TMEM134: variants seen among roughly 807,000 people sequenced by gnomAD.
TMEM134 encodes transmembrane protein 134.
Under a neutral mutation model 26.2 loss-of-function variants are expected in TMEM134, and 36 were observed. That is an observed-to-expected ratio of 1.37 (90% CI 1.05 to 1.81). TMEM134 has a LOEUF of 1.81. Ranked by LOEUF, TMEM134 falls within the 40% of genes most tolerant of loss-of-function variation. The probability of loss-of-function intolerance (pLI) is 0.00; values close to 1 mark genes in which losing one functional copy is unlikely to be tolerated. For synonymous variants in TMEM134, 133 were observed against 113.6 expected, an observed-to-expected ratio of 1.17 and a Z score of -1.08; for missense variants, 339 against 263.5, an observed-to-expected ratio of 1.29 and a Z score of -1.98.
At position 67,467,500 on chromosome 11, in the gene TMEM134, C is replaced by T. The variant is rs761775222; in HGVS notation, c.329+1G>A. 1 of 1,613,918 alleles carries T rather than the reference C, an allele frequency of 6.2e-7. No homozygotes were observed. Among genetic ancestry groups the T allele is most frequent in the East Asian group, 2.2e-5 (1 of 44,884 alleles). On this transcript the variant is annotated splice_donor_variant, in intron 3 of 6. Transcript: ENST00000308022. LOFTEE classifies it high-confidence loss of function. Reference sequence around the variant, plus strand: ...CTGGGGGCTTAGGCGGGCAGGCTCACCTGCAGCAGGTGTTGTAGGAGCGCT... The same window carrying T: ...CTGGGGGCTTAGGCGGGCAGGCTCATCTGCAGCAGGTGTTGTAGGAGCGCT...
At chr11:67,467,740 T>C in intron 2 of TMEM134, 150 bp from the exon 3 acceptor site, 1 of 755,334 alleles carries the variant, frequency 1.3e-6, no homozygotes, top group Admixed American at 2.2e-5. Flanking sequence ...TGGGTGAGCA[T>C]GAATTCAGGG....
chr11:67,467,525 T>A lies in TMEM134; in HGVS notation c.305A>T (p.Gln102Leu), dbSNP rs752861265. 1 of 1,614,004 alleles carries A rather than the reference T, an allele frequency of 6.2e-7. No individual in the cohort carries two copies. The highest frequency in any genetic ancestry group is 1.1e-5 in the South Asian group (1 of 91,076). The change falls in exon 3 of 7, where the codon CAG becomes CTG. Residue 102 changes from glutamine to leucine, a missense_variant. Transcript: ENST00000308022. ...WSFSTISSST[Q>L]RSYNTCCSWT... ...CCTGCAGCAGGTGTTGTAGGAGCGC[T>A]GGGTGCTGCTGCTGATGGTGCTGAA...
At chr11:67,467,981 AGGAGCT>A in intron 2 of TMEM134, 41 bp downstream of exon 2, 1 of 1,527,874 alleles carries the variant, frequency 6.5e-7, no homozygotes, top group Non-Finnish European at 8.9e-7. Flanking sequence ...CCCTGGGGAT[AGGAGCT>A]GGGGCTGGGG....
chr11:67,465,304 C>T (rs1446077792), intron 4 of TMEM134: 1 of 1,382,062 alleles, frequency 7.2e-7, no homozygotes, highest in Non-Finnish European at 9.4e-7. Flanking sequence ...TTTCTTTGTT[C>T]CTTGGGGTGG....
At chr11:67,465,923 A>T (rs2134227693) in intron 4 of TMEM134, 1 of 152,292 alleles carries the variant, frequency 6.6e-6, no homozygotes, top group Admixed American at 6.5e-5. Flanking sequence ...TTTTAAAAAA[A>T]AAAAAATTAG....
chr11:67,462,932 A>T lies in TMEM134; in HGVS notation c.*1682T>A, dbSNP rs1387900885. The T allele has an allele frequency of 6.6e-6, 1 of 151,804 alleles. No individual in the cohort carries two copies. The highest frequency in any genetic ancestry group is 2.4e-5 in the African/African-American group (1 of 41,302). The allele number at this position is 151,804 out of a possible 1,614,324, so 9.4% of individuals were successfully genotyped here. A position where few individuals can be genotyped will look rare whatever the true frequency, so the allele number is the denominator to read the frequency against. ...GGTCTCGAACTCCTGGGCTCAAGTG[A>T]TCCTCCCACCGTGGCCTCTCAAAGT... is the stretch of plus-strand genomic sequence containing the variant. On this transcript the variant is annotated 3_prime_UTR_variant, in exon 7 of 7. Transcript: ENST00000308022.
Position 67,462,179 on chromosome 11 carries a change from A to AAC in TMEM134, c.*2434_*2435insGT, listed in dbSNP as rs1554999211. 2 of 53,692 alleles carry AAC rather than the reference A, an allele frequency of 3.7e-5. No homozygotes were observed. The highest frequency in any genetic ancestry group is 1.3e-4 in the African/African-American group (2 of 15,444). 3.3% of individuals were successfully genotyped at this position (53,692 alleles called of 1,614,324 possible). The stretch of plus-strand genomic sequence containing the variant: ...TGAGACTCGTCTCAAAAAAAAAACA[A>AAC]AAAAAAAAAAAACAAGGAGTAAAAA... On this transcript the variant is annotated 3_prime_UTR_variant, in exon 7 of 7. Transcript: ENST00000308022.
chr11:67,465,173 G>A, intron 4 of TMEM134, 73 bp from the exon 5 acceptor site: 1 of 1,535,038 alleles, frequency 6.5e-7, no homozygotes. Context: ...CCCCAGCCCG[G>A]CTCACCCACC....
At chr11:67,468,978 T>G (rs1191141241) in intron 1 of TMEM134, 41 bp downstream of exon 1, 1 of 1,431,486 alleles carries the variant, frequency 7.0e-7, no homozygotes, top group Non-Finnish European at 9.2e-7. Context: ...TGGGGTCCCG[T>G]CCGGCCGGGG....
chr11:67,464,546 G>T lies in TMEM134; in HGVS notation c.*68C>A. The stretch of plus-strand genomic sequence containing the variant: ...GGTCCTGGAGGGCCTCTTCCCTTGA[G>T]ATGAGGGGAACGGAACAGGGCAAGA... On this transcript the variant is annotated 3_prime_UTR_variant, in exon 7 of 7. Transcript: ENST00000308022. The T allele has an allele frequency of 6.7e-7, 1 of 1,490,344 alleles. No homozygotes were observed. The highest frequency in any genetic ancestry group is 9.2e-7 in the Non-Finnish European group (1 of 1,091,868). 92.3% of individuals were successfully genotyped at this position (1,490,344 alleles called of 1,614,324 possible). A position where few individuals can be genotyped will look rare whatever the true frequency, so the allele number is the denominator to read the frequency against.
At chr11:67,465,204 A>T in intron 4 of TMEM134, 104 bp from the exon 5 acceptor site, 1 of 1,532,706 alleles carries the variant, frequency 6.5e-7, no homozygotes, top group Non-Finnish European at 8.7e-7. Flanking sequence ...AAGGTGCCCT[A>T]GGCAGAGACC....
intron 2 of TMEM134, 142 bp downstream of exon 2, chr11:67,467,886 T>C (rs1659891554): frequency 2.5e-6 from 2 of 813,970 alleles, no homozygotes; most frequent in South Asian, 3.3e-5. Flanking sequence ...TAGGAGACCC[T>C]GTGAGGAAAG....
chr11:67,464,311 G>C lies in TMEM134; in HGVS notation c.*303C>G, dbSNP rs529610690. 15 of 476,006 alleles carry C rather than the reference G, an allele frequency of 3.2e-5. No individual in the cohort carries two copies. Among genetic ancestry groups the C allele is most frequent in the African/African-American group, 3.0e-4 (15 of 50,012 alleles). The allele number at this position is 476,006 out of a possible 1,614,324, so 29.5% of individuals were successfully genotyped here. On this transcript the variant is annotated 3_prime_UTR_variant, in exon 7 of 7. Transcript: ENST00000308022. ...GGAGGGGGGCTGTGGTCAGGCTGGT[G>C]GGCTGGGCTAGCAGTGGCAGGACAG...
intron 2 of TMEM134, 99 bp downstream of exon 2, chr11:67,467,929 T>C: frequency 8.9e-7 from 1 of 1,125,944 alleles, no homozygotes. Flanking sequence ...TAGGACGGGA[T>C]GGAAGAGAGT....
intron 4 of TMEM134, 98 bp downstream of exon 4, chr11:67,467,214 T>A (rs887501819): frequency 3.4e-6 from 4 of 1,169,400 alleles, no homozygotes; most frequent in Non-Finnish European, 5.0e-6. Flanking sequence ...CTCAGGATGC[T>A]GGGAGGCTCA....
In TMEM134 at chr11:67,464,690, T is replaced by A. The variant is rs1338793709; in HGVS notation, c.512A>T (p.His171Leu). 1 of 1,552,926 alleles carries A rather than the reference T, an allele frequency of 6.4e-7. No individual in the cohort carries two copies. The highest frequency in any genetic ancestry group is 1.4e-5 in the African/African-American group (1 of 73,212). The change falls in exon 7 of 7, where the codon CAC becomes CTC. Residue 171 changes from histidine (H) to leucine (L), a missense_variant. His to Leu is a moderately conservative substitution (Grantham distance 99). Coordinates refer to ENST00000308022, the MANE Select transcript of TMEM134 (RefSeq NM_025124.4). ...GACCGCGCAGTAGATGAAGATCACG[T>A]GATAGACTGCGGGGCGGGGCCTGTC... ...GFLLLVPGVY[H>L]VIFIYCAVKG... is the part of the protein sequence containing the mutation.
Position 67,465,036 on chromosome 11 carries a change from G to A in TMEM134, c.451+20C>T, listed in dbSNP as rs1865162926. 1.3e-6 allele frequency: 2 copies of A among 1,559,114 alleles called. No individual in the cohort carries two copies. Among genetic ancestry groups the A allele is most frequent in the Admixed American group, 1.8e-5 (1 of 54,822 alleles). The stretch of plus-strand genomic sequence containing the variant: ...AAGACAGGGGTGTCCTCTGCCTGTG[G>A]GGGCGGGAGGGTCGCTCACCTGGAG... On this transcript the variant is annotated intron_variant, in intron 5 of 6. Coordinates refer to ENST00000308022, the MANE Select transcript of TMEM134 (RefSeq NM_025124.4).
rs1412511032 is a variant in TMEM134 at position 67,467,561 on chromosome 11, G to T, written c.269C>A (p.Ser90Tyr). 1 of 1,614,124 alleles carries T rather than the reference G, an allele frequency of 6.2e-7. No individual in the cohort carries two copies. Among genetic ancestry groups the T allele is most frequent in the South Asian group, 1.1e-5 (1 of 91,082 alleles). Residue 90 changes from serine (S) to tyrosine (Y), a missense_variant, in exon 3 of 7, where the codon TCC becomes TAC. Physicochemically the swap from Ser to Tyr is moderately radical, Grantham distance 144 (BLOSUM62 -2). Transcript: ENST00000308022. ...RDSSRTSIRSSQWSFSTISSS... is the reference protein window; with the variant it reads ...RDSSRTSIRSYQWSFSTISSS... ...GCTGATGGTGCTGAAGGACCACTGGGAGCTGCGGATGGAAGTTCGGCTGGA... is the reference window on the plus strand; with the variant it reads ...GCTGATGGTGCTGAAGGACCACTGGTAGCTGCGGATGGAAGTTCGGCTGGA...
rs1022279496 is a variant in TMEM134 at position 67,464,093 on chromosome 11, G to A, written c.*521C>T. 5.8e-6 allele frequency: 1 copy of A among 172,262 alleles called. No individual in the cohort carries two copies. The highest frequency in any genetic ancestry group is 1.3e-5 in the Non-Finnish European group (1 of 78,868). The allele number at this position is 172,262 out of a possible 1,614,324, so 10.7% of individuals were successfully genotyped here. The stretch of plus-strand genomic sequence containing the variant: ...TGCCCTCGGCCAGGGCCACCAGACA[G>A]AGACGGGCTGGTTGAGTCATCCAAG... On this transcript the variant is annotated 3_prime_UTR_variant, in exon 7 of 7. Coordinates refer to ENST00000308022, the MANE Select transcript of TMEM134 (RefSeq NM_025124.4).
Sources: gnomAD v4.1 joint callset for allele counts on GRCh38, gnomAD v4.1.1 for gene constraint, MANE v1.5 for transcripts, NCBI Gene and HGNC (gene_info 2026-07-23, HGNC 2026-07-21) for gene names.